The following INPP4B variants were observed in gnomAD, a reference collection of about 807,000 sequenced individuals.
INPP4B encodes inositol polyphosphate 4-phosphatase type II.
In INPP4B, 55 loss-of-function variants were observed where a neutral mutation model predicts 122.5. The observed-to-expected ratio is 0.45, with a 90% CI of 0.36 to 0.56. INPP4B has a LOEUF of 0.56. Ranked by LOEUF, INPP4B falls within the 20% of genes least tolerant of loss-of-function variation. INPP4B has a pLI of 0.00. For missense variants in INPP4B, 1,000 were observed against 1,097.7 expected, an observed-to-expected ratio of 0.91 and a Z score of 1.26; for synonymous variants, 403 against 388.7, an observed-to-expected ratio of 1.04 and a Z score of -0.43.
chr4:142,497,112 A>G (rs1420306464), intron 2 of INPP4B, among the ~76,000 whole-genome samples: 1 of 152,124 alleles, frequency 6.6e-6, no homozygotes, highest in Non-Finnish European at 1.5e-5. Context: ...TGGCTCTCAT[A>G]AAAAGCCACA....
At chr4:142,442,152 C>G (rs1374941578) in intron 3 of INPP4B, among the ~76,000 whole-genome samples, 1 of 151,934 alleles carries the variant, frequency 6.6e-6, no homozygotes, top group Non-Finnish European at 1.5e-5. Flanking sequence ...CTCACGCCTA[C>G]CTGTAATCCC....
At position 142,832,574 on chromosome 4, in the gene INPP4B, C is replaced by T. The variant is rs180695248; in HGVS notation, c.-254+13635G>A. Among the ~76,000 whole-genome samples the T allele has an allele frequency of 7.2e-5, 11 of 152,322 alleles. No homozygotes were observed. The East Asian group carries it at 1.5e-3, about 21-fold the overall frequency. ...CAAGGGAGAAAAGTCCACCTGGCCC[C>T]GGCCAACGCAGTGGTAAGCCACTCC... On this transcript the variant is annotated intron_variant, in intron 1 of 25. Transcript: ENST00000262992.
intron 2 of INPP4B, among the ~76,000 whole-genome samples, chr4:142,502,185 T>A (rs980246802): frequency 2.6e-5 from 4 of 152,182 alleles, no homozygotes; most frequent in African/African-American, 9.7e-5. Flanking sequence ...CTCTGGTGTC[T>A]AAGCTTCAGA....
intron 2 of INPP4B, among the ~76,000 whole-genome samples, chr4:142,535,294 G>A (rs903725511): frequency 6.6e-6 from 1 of 152,206 alleles, no homozygotes; most frequent in Non-Finnish European, 1.5e-5. Flanking sequence ...GGGTACATCT[G>A]CTTTTCTTGC....
intron 7 of INPP4B, among the ~76,000 whole-genome samples, chr4:142,372,235 C>T (rs946150981): frequency 1.3e-5 from 2 of 152,040 alleles, no homozygotes; most frequent in East Asian, 1.9e-4. Flanking sequence ...AAATATAGAT[C>T]TCATGGAGGT....
At chr4:142,046,875 A>G (rs758527951) in intron 25 of INPP4B, among the ~76,000 whole-genome samples, 2 of 152,128 alleles carry the variant, frequency 1.3e-5, no homozygotes, top group Non-Finnish European at 2.9e-5. Flanking sequence ...ACGAGACACC[A>G]TGTATTAAAA....
chr4:142,261,069 A>ATACT (rs1260948546), intron 10 of INPP4B, among the ~76,000 whole-genome samples: 1 of 152,242 alleles, frequency 6.6e-6, no homozygotes, highest in Non-Finnish European at 1.5e-5. Flanking sequence ...TATGAGGATC[A>ATACT]TTTATAAATA....
At chr4:142,626,793 G>T (rs1746526643) in intron 2 of INPP4B, among the ~76,000 whole-genome samples, 1 of 151,896 alleles carries the variant, frequency 6.6e-6, no homozygotes, top group Non-Finnish European at 1.5e-5. Flanking sequence ...CACCAAAATG[G>T]CAGAATAAGT....
chr4:142,298,376 C>T (rs1283788025), intron 9 of INPP4B, among the ~76,000 whole-genome samples: 1 of 152,036 alleles, frequency 6.6e-6, no homozygotes, highest in African/African-American at 2.4e-5. Context: ...GGTTTGAAGT[C>T]TTCTCTGGTC....
At position 142,839,430 on chromosome 4, in the gene INPP4B, T is replaced by A. The variant is rs188584285; in HGVS notation, c.-254+6779A>T. 2.3e-3 allele frequency among the ~76,000 whole-genome samples: 343 copies of A among 151,902 alleles called. 1 individual carries two copies. The highest frequency in any genetic ancestry group is 1.2e-3 in the East Asian group (6 of 5,184). On this transcript the variant is annotated intron_variant, in intron 1 of 25. Transcript: ENST00000262992. ...GCCTGAGCGACAGAGCAAGACTCCA[T>A]CTCAACAACAACAACAAAAAAAATG... is the stretch of plus-strand genomic sequence containing the variant.
At chr4:142,800,531 T>G (rs1777869339) in intron 1 of INPP4B, among the ~76,000 whole-genome samples, 1 of 152,114 alleles carries the variant, frequency 6.6e-6, no homozygotes, top group Non-Finnish European at 1.5e-5. Context: ...TTAAGCAATA[T>G]TAAAGAATTT....
intron 1 of INPP4B, among the ~76,000 whole-genome samples, chr4:142,836,148 T>C (rs937064842): frequency 7.2e-5 from 11 of 152,178 alleles, no homozygotes; most frequent in African/African-American, 2.7e-4. Flanking sequence ...CTAATTCTCC[T>C]CAATTCCATT....
At chr4:142,577,303 T>G (rs1213250006) in intron 2 of INPP4B, among the ~76,000 whole-genome samples, 1 of 152,010 alleles carries the variant, frequency 6.6e-6, no homozygotes, top group Non-Finnish European at 1.5e-5. Context: ...CATGTCCAAT[T>G]TCAAGCCTAC....
chr4:142,292,508 A>C (rs977305550), intron 9 of INPP4B, among the ~76,000 whole-genome samples: 3 of 152,200 alleles, frequency 2.0e-5, no homozygotes, highest in Non-Finnish European at 4.4e-5. Context: ...GAAAATCTTC[A>C]ATTTGTTTCT....
chr4:142,028,665 C>G lies in INPP4B; in HGVS notation c.*117G>C. The G allele has an allele frequency of 4.7e-6, 5 of 1,053,986 alleles. No homozygotes were observed. Among genetic ancestry groups the G allele is most frequent in the Non-Finnish European group, 6.9e-6 (5 of 725,280 alleles). The allele number at this position is 1,053,986 out of a possible 1,614,324, so 65.3% of individuals were successfully genotyped here. ...GTAGTTCCTAGATTTTGGGAAACAT[C>G]TGTGATCATCTCCCCCACCACAAAT... On this transcript the variant is annotated 3_prime_UTR_variant, in exon 26 of 26. Transcript: ENST00000262992.
intron 2 of INPP4B, chr4:142,473,195 T>A (rs1819195850): frequency 6.6e-6 from 1 of 152,208 alleles, no homozygotes; most frequent in African/African-American, 2.4e-5. Context: ...AATGGCAGAC[T>A]AGAAGCCGCT....
intron 2 of INPP4B, among the ~76,000 whole-genome samples, chr4:142,658,328 T>C (rs1480494338): frequency 6.6e-6 from 1 of 152,238 alleles, no homozygotes; most frequent in East Asian, 1.9e-4. Flanking sequence ...ACAGGACTCA[T>C]GAAGAGCTGA....
intron 3 of INPP4B, among the ~76,000 whole-genome samples, chr4:142,462,069 CT>C (rs1226754132): frequency 1.3e-5 from 2 of 152,102 alleles, no homozygotes; most frequent in African/African-American, 2.4e-5. Flanking sequence ...TATTTTCTTT[CT>C]TTTTTTTCTT....
chr4:142,112,758 C>T (rs769369512), intron 21 of INPP4B, 76 bp from the exon 22 acceptor site: 163 of 1,429,400 alleles, frequency 1.1e-4, no homozygotes, highest in Non-Finnish European at 1.5e-4. Context: ...TGGAAGAAAA[C>T]ATTAAAAGGG....
Sources: allele counts gnomAD v4.1 joint callset (sites outside exome capture counted in the v4.1 genomes callset), GRCh38; gene constraint gnomAD v4.1.1; transcripts MANE v1.5; gene names NCBI Gene and HGNC (gene_info 2026-07-23, HGNC 2026-07-21).